BCAR3: variants seen among roughly 807,000 people sequenced by gnomAD.
BCAR3 encodes BCAR3 adaptor protein, NSP family member.
BCAR3 carries 37 observed loss-of-function variants against 80.1 expected under a neutral mutation model. The observed-to-expected ratio is 0.46, with a 90% CI of 0.36 to 0.61. BCAR3 has a LOEUF of 0.61. Ranked by LOEUF, BCAR3 falls within the 20% of genes least tolerant of loss-of-function variation. The probability of loss-of-function intolerance (pLI) is 0.00; values close to 1 mark genes in which losing one functional copy is unlikely to be tolerated. For synonymous variants in BCAR3, 389 were observed against 418.9 expected (o/e 0.93, Z 0.87); for missense variants, 978 against 1,068.2 (o/e 0.92, Z 1.18).
At chr1:93,750,492 C>G (rs1056405639) in intron 2 of BCAR3, among the ~76,000 whole-genome samples, 30 of 152,342 alleles carry the variant, frequency 2.0e-4, no homozygotes, top group African/African-American at 7.0e-4. Flanking sequence ...AATTCTTTAA[C>G]AGTCTTCCCA....
At chr1:93,810,191 T>TAAAAAAAA (rs1653784649) in intron 2 of BCAR3, among the ~76,000 whole-genome samples, 1 of 95,012 alleles carries the variant, frequency 1.1e-5, no homozygotes, top group African/African-American at 8.0e-5. Context: ...AGACTCCATC[T>TAAAAAAAA]CAAAAAAAAA....
chr1:93,719,624 C>T (rs1006684753), intron 2 of BCAR3, among the ~76,000 whole-genome samples: 2 of 152,056 alleles, frequency 1.3e-5, no homozygotes, highest in Non-Finnish European at 2.9e-5. Flanking sequence ...TTACAGGTGT[C>T]AGCCACCCTG....
At chr1:93,818,469 G>A (rs897058435) in intron 2 of BCAR3, among the ~76,000 whole-genome samples, 1 of 152,198 alleles carries the variant, frequency 6.6e-6, no homozygotes, top group African/African-American at 2.4e-5. Flanking sequence ...GCTGCCTACT[G>A]TCGTGGTTGT....
chr1:93,704,606 G>A (rs1220576188), intron 3 of BCAR3, among the ~76,000 whole-genome samples: 1 of 152,146 alleles, frequency 6.6e-6, no homozygotes, highest in Non-Finnish European at 1.5e-5. Context: ...CATTATGAAT[G>A]CCCTGTGAGG....
chr1:93,796,932 A>G (rs892750054), intron 2 of BCAR3, among the ~76,000 whole-genome samples: 2 of 152,080 alleles, frequency 1.3e-5, no homozygotes, highest in Non-Finnish European at 2.9e-5. Flanking sequence ...AATGATCCCA[A>G]TTTCCACTAG....
intron 3 of BCAR3, among the ~76,000 whole-genome samples, chr1:93,616,275 A>C (rs571656706): frequency 1.3e-5 from 2 of 152,340 alleles, no homozygotes; most frequent in South Asian, 4.1e-4. Context: ...TTTATTTCAC[A>C]CCAAAAATAA....
At chr1:93,577,439 T>G (rs1423707047) in intron 7 of BCAR3, among the ~76,000 whole-genome samples, 2 of 152,188 alleles carry the variant, frequency 1.3e-5, no homozygotes, top group Non-Finnish European at 2.9e-5. Context: ...TCTCTAGTGG[T>G]AGACGCCACG....
chr1:93,844,703 CTTTTTTTT>C (rs11363783), intron 2 of BCAR3, among the ~76,000 whole-genome samples: 1 of 140,460 alleles, frequency 7.1e-6, no homozygotes, highest in African/African-American at 2.6e-5. Context: ...TGACTTTCTT[CTTTTTTTT>C]TTTTTTTTTC....
At position 93,592,203 on chromosome 1, in the gene BCAR3, C is replaced by T; in HGVS notation, c.486+62G>A. 6.2e-7 allele frequency: 1 copy of T among 1,602,348 alleles called. No homozygotes were observed. Among genetic ancestry groups the T allele is most frequent in the Admixed American group, 1.7e-5 (1 of 57,726 alleles). On this transcript the variant is annotated intron_variant, in intron 4 of 11. Transcript: ENST00000260502. This position sits in a 1 kb window ranked among gnomAD's most constrained non-coding sequence, Gnocchi z 4.8. ...GGCCTCGGAGTGGGACCCTGCGGGTCATCAATCTGTACATTGCCTGAGAGC... is the reference window on the plus strand; with the variant it reads ...GGCCTCGGAGTGGGACCCTGCGGGTTATCAATCTGTACATTGCCTGAGAGC...
intron 2 of BCAR3, among the ~76,000 whole-genome samples, chr1:93,789,159 T>TA (rs1010798375): frequency 6.6e-6 from 1 of 151,962 alleles, no homozygotes; most frequent in African/African-American, 2.4e-5. Flanking sequence ...CCCAGCTAAT[T>TA]AAAAAAATAT....
At chr1:93,625,729 G>C (rs934269160) in intron 3 of BCAR3, among the ~76,000 whole-genome samples, 1 of 152,130 alleles carries the variant, frequency 6.6e-6, no homozygotes, top group Non-Finnish European at 1.5e-5. Flanking sequence ...TGCCTTGAAG[G>C]GCCAAACAGC....
rs146367333 is a variant in BCAR3, at chr1:93,825,147, C to T, written c.-63+20420G>A. On this transcript the variant is annotated intron_variant, in intron 2 of 13. Coordinates refer to the BCAR3 transcript ENST00000370244. ...CCAAGGTCAAGTTCAGGAGGCAGTACGCACAAAACCTGACAGTAATACATG... is the reference window on the plus strand; with the variant it reads ...CCAAGGTCAAGTTCAGGAGGCAGTATGCACAAAACCTGACAGTAATACATG... 2.6e-3 allele frequency among the ~76,000 whole-genome samples: 355 copies of T among 134,058 alleles called. 30 individuals carry two copies. Among genetic ancestry groups the T allele is most frequent in the African/African-American group, 8.2e-3 (329 of 40,000 alleles). 87.9% of individuals were successfully genotyped at this position (134,058 alleles called of 152,430 possible).
chr1:93,608,777 C>T (rs950742154), intron 3 of BCAR3, among the ~76,000 whole-genome samples: 1 of 152,192 alleles, frequency 6.6e-6, no homozygotes, highest in African/African-American at 2.4e-5. Flanking sequence ...TGCATTTAAG[C>T]CTCTTTCAAA....
intron 3 of BCAR3, chr1:93,602,090 G>A (rs1182184109): frequency 2.0e-5 from 3 of 152,186 alleles, no homozygotes; most frequent in South Asian, 2.1e-4. Flanking sequence ...CTGGATCTTC[G>A]ATGTTAACAT....
intron 2 of BCAR3, among the ~76,000 whole-genome samples, chr1:93,728,431 C>A (rs530290242): frequency 9.9e-5 from 15 of 152,210 alleles, no homozygotes; most frequent in Non-Finnish European, 1.8e-4. Context: ...CTTGTGTTAA[C>A]CAGTTCAATT....
chr1:93,584,493 C>T (rs1164531935), intron 5 of BCAR3, among the ~76,000 whole-genome samples: 1 of 152,196 alleles, frequency 6.6e-6, no homozygotes, highest in African/African-American at 2.4e-5. Flanking sequence ...TACTTACAGG[C>T]CCAGAGGGAA....
In BCAR3 at chr1:93,709,347, G is replaced by T. The variant is rs189553491; in HGVS notation, c.-62-3205C>A. ...TTCTTCTTCCTGTCCCTCCAAGCCA[G>T]CCTGCGGTCTGTTCAAAGCACACTC... On this transcript the variant is annotated intron_variant, in intron 2 of 13. Transcript: ENST00000370244. Among the ~76,000 whole-genome samples, 324 of 152,352 alleles carry T rather than the reference G, an allele frequency of 2.1e-3. 2 individuals are homozygous for T. The highest frequency in any genetic ancestry group is 6.9e-3 in the African/African-American group (288 of 41,582).
Position 93,697,160 on chromosome 1 carries a change from A to G in BCAR3, c.-12+8932T>C, listed in dbSNP as rs79057894. Among the ~76,000 whole-genome samples the G allele has an allele frequency of 2.9e-3, 435 of 152,384 alleles. 2 individuals are homozygous for G. Among genetic ancestry groups the G allele is most frequent in the East Asian group, 0.012 (64 of 5,180 alleles). On this transcript the variant is annotated intron_variant, in intron 3 of 13. Coordinates refer to the BCAR3 transcript ENST00000370244. ...GCAAAGCTACCAGAAACTTGGCTTC[A>G]GACCATTCACATCTAAACAGGTGGT...
At chr1:93,603,334 A>G (rs183539) in intron 3 of BCAR3, among the ~76,000 whole-genome samples, 2,601 of 152,318 alleles carry the variant, frequency 0.017, 79 homozygotes, top group African/African-American at 0.058. Flanking sequence ...CACAGCTGTC[A>G]TGGATCTATA....
Sources: gnomAD v4.1 joint callset for allele counts (sites outside exome capture counted in the v4.1 genomes callset) on GRCh38, gnomAD v4.1.1 for gene constraint, Gnocchi (gnomAD v3.1) non-coding constraint, MANE v1.5 for transcripts, NCBI Gene and HGNC (gene_info 2026-07-23, HGNC 2026-07-21) for gene names.